COL17A1: variants seen among roughly 807,000 people sequenced by gnomAD.
COL17A1 encodes the protein collagen type XVII alpha 1 chain, also known as collagen alpha-1(XVII) chain.
Under a neutral mutation model 218.4 loss-of-function variants are expected in COL17A1, and 181 were observed. The ratio of observed to expected loss-of-function variants is 0.83; its 90% CI spans 0.73 to 0.94. The LOEUF is 0.94. COL17A1 is among the 40% of genes least tolerant of loss of function. The probability of loss-of-function intolerance (pLI) is 0.00; values close to 1 mark genes in which losing one functional copy is unlikely to be tolerated. For missense variants in COL17A1, 1,924 were observed against 1,945.9 expected, an observed-to-expected ratio of 0.99 and a Z score of 0.21; for synonymous variants, 721 against 731.0, an observed-to-expected ratio of 0.99 and a Z score of 0.22.
chr10:104,058,611 T>G (rs2086553599), intron 15 of COL17A1, among the ~76,000 whole-genome samples: 1 of 152,144 alleles, frequency 6.6e-6, no homozygotes, highest in Admixed American at 6.5e-5. Flanking sequence ...GGAGGAGGAT[T>G]GTTCCTGAGT....
At chr10:104,041,032 G>A (rs1264999936) in intron 39 of COL17A1, 33 bp downstream of exon 39, 2 of 1,613,368 alleles carry the variant, frequency 1.2e-6, no homozygotes, top group African/African-American at 1.3e-5. Flanking sequence ...GGCTGAGGTG[G>A]AGAACAGGTG....
At position 104,055,035 on chromosome 10, in the gene COL17A1, G is replaced by T. The variant is rs565984785; in HGVS notation, c.1718-28C>A. 16 of 1,613,916 alleles carry T rather than the reference G, an allele frequency of 9.9e-6. No homozygotes were observed. In the East Asian group the frequency reaches 3.3e-4, roughly 34 times the overall value. On this transcript the variant is annotated intron_variant, in intron 19 of 55. Coordinates refer to ENST00000648076, the MANE Select transcript of COL17A1 (RefSeq NM_000494.4). ...GAAACCAGAAAGATATGAAAACTGT[G>T]AGATGGGGCAAGAACCCAAAGGCCA...
chr10:104,033,788 G>A (rs1248791213), intron 52 of COL17A1, among the ~76,000 whole-genome samples, 157 bp downstream of exon 52: 6 of 152,166 alleles, frequency 3.9e-5, no homozygotes. Context: ...CTTAAGCTGA[G>A]TAGGCTGAGA....
intron 6 of COL17A1, among the ~76,000 whole-genome samples, chr10:104,073,452 G>A (rs555516564): frequency 4.0e-4 from 61 of 152,246 alleles, no homozygotes; most frequent in Non-Finnish European, 6.5e-4. Flanking sequence ...GTACATTTAT[G>A]ATGTTAAATT....
At chr10:104,077,784 T>G (rs1203937604) in intron 3 of COL17A1, among the ~76,000 whole-genome samples, 1 of 152,156 alleles carries the variant, frequency 6.6e-6, no homozygotes, top group African/African-American at 2.4e-5. Flanking sequence ...AAAAGAAAAG[T>G]CTCCTGGGTG....
chr10:104,074,910 A>G (rs2086697324), intron 5 of COL17A1, among the ~76,000 whole-genome samples: 2 of 152,214 alleles, frequency 1.3e-5, no homozygotes, highest in Non-Finnish European at 2.9e-5. Context: ...AGTTTCCCAC[A>G]TAAAACTGCT....
Position 104,034,084 on chromosome 10 carries a change from A to C in COL17A1, c.4017T>G (p.Thr1339=), listed in dbSNP as rs769950071. 6.2e-7 allele frequency: 1 copy of C among 1,613,974 alleles called. No homozygotes were observed. The highest frequency in any genetic ancestry group is 8.5e-7 in the Non-Finnish European group (1 of 1,180,028). The change falls in exon 52 of 56, where the codon ACT becomes ACG. Residue 1339 remains threonine, a synonymous_variant. Coordinates refer to ENST00000648076, the MANE Select transcript of COL17A1 (RefSeq NM_000494.4). Reference sequence around the variant, plus strand: ...CATAGCCTCCGCCTGGGCCGATGTCAGTGCCATAGGGACCCCTGTCTCCTG... The same window carrying C: ...CATAGCCTCCGCCTGGGCCGATGTCCGTGCCATAGGGACCCCTGTCTCCTG... The part of the protein sequence containing the change: ...EAAGDRGPYG[T]DIGPGGGYGA...
intron 27 of COL17A1, among the ~76,000 whole-genome samples, 195 bp from the exon 28 acceptor site, chr10:104,050,319 CT>C (rs2086456205): frequency 6.6e-6 from 1 of 152,150 alleles, no homozygotes; most frequent in Admixed American, 6.5e-5. Context: ...AGTTCCCCCC[CT>C]ACAAACTGAC....
chr10:104,062,648 G>GT (rs1402049286), intron 11 of COL17A1, among the ~76,000 whole-genome samples: 1 of 152,208 alleles, frequency 6.6e-6, no homozygotes. Flanking sequence ...GGGGTTCCCT[G>GT]TTTCCTGTGA....
chr10:104,068,231 C>A (rs2086642832), intron 9 of COL17A1, among the ~76,000 whole-genome samples: 1 of 152,186 alleles, frequency 6.6e-6, no homozygotes, highest in Non-Finnish European at 1.5e-5. Context: ...CATGTATTTT[C>A]TTGAATCCAG....
At chr10:104,061,892 A>G (rs1220444471) in intron 12 of COL17A1, among the ~76,000 whole-genome samples, 2 of 152,164 alleles carry the variant, frequency 1.3e-5, no homozygotes, top group African/African-American at 4.8e-5. Flanking sequence ...CCAGGTTGGC[A>G]CAGCGGTGGC....
chr10:104,068,658 G>C (rs2086645996), intron 9 of COL17A1, among the ~76,000 whole-genome samples: 1 of 152,302 alleles, frequency 6.6e-6, no homozygotes, highest in African/African-American at 2.4e-5. Context: ...GAAAGAATTT[G>C]TACATGGGGA....
rs760326999 is a variant in COL17A1 at position 104,041,270 on chromosome 10, C to T, written c.2647+33G>A. 35 of 1,600,446 alleles carry T rather than the reference C, an allele frequency of 2.2e-5. No individual in the cohort carries two copies. The Admixed American group carries it at 6.0e-4, about 27-fold the overall frequency. On this transcript the variant is annotated intron_variant, in intron 38 of 55. Transcript: ENST00000648076. The stretch of plus-strand genomic sequence containing the variant: ...ATTGCTACCCACCTCTCACCTCCCC[C>T]TCCCACCTCCCAGTGGTAAGCTCGG...
intron 16 of COL17A1, among the ~76,000 whole-genome samples, chr10:104,057,763 G>A (rs142288392): frequency 1.3e-3 from 198 of 152,150 alleles, no homozygotes; most frequent in African/African-American, 4.6e-3. Flanking sequence ...TCTATCACAC[G>A]GCGGTGGAAG....
intron 3 of COL17A1, 134 bp from the exon 4 acceptor site, chr10:104,077,660 A>G (rs1218854509): frequency 5.5e-6 from 4 of 727,930 alleles, no homozygotes; most frequent in African/African-American, 1.7e-5. Flanking sequence ...TCCCACCTAC[A>G]TTATAAGATG....
intron 1 of COL17A1, among the ~76,000 whole-genome samples, chr10:104,084,093 C>G (rs887267773): frequency 6.6e-6 from 1 of 152,148 alleles, no homozygotes; most frequent in African/African-American, 2.4e-5. Context: ...TTGCTGCTTG[C>G]TACATTTGGT....
intron 27 of COL17A1, 121 bp from the exon 28 acceptor site, chr10:104,050,245 C>A: frequency 7.0e-7 from 1 of 1,430,244 alleles, no homozygotes; most frequent in Non-Finnish European, 9.6e-7. Flanking sequence ...CTCCTGTCAG[C>A]GGATGTTGGT....
intron 8 of COL17A1, among the ~76,000 whole-genome samples, chr10:104,071,831 G>C (rs902978673): frequency 6.6e-6 from 1 of 152,082 alleles, no homozygotes; most frequent in African/African-American, 2.4e-5. Flanking sequence ...AGGAACCACG[G>C]TTTACTCAGC....
intron 10 of COL17A1, 62 bp downstream of exon 10, chr10:104,064,376 C>G: frequency 1.9e-6 from 3 of 1,611,914 alleles, no homozygotes; most frequent in Non-Finnish European, 2.5e-6. Flanking sequence ...GGTCATCCAG[C>G]TCCAGGATAG....
Sources: gnomAD v4.1 joint callset for allele counts (sites outside exome capture counted in the v4.1 genomes callset) on GRCh38, gnomAD v4.1.1 for gene constraint, MANE v1.5 for transcripts, NCBI Gene and HGNC (gene_info 2026-07-23, HGNC 2026-07-21) for gene names.